BORA: variants seen among roughly 807,000 people sequenced by gnomAD.
BORA encodes protein aurora borealis.
BORA carries 26 observed loss-of-function variants against 55.8 expected under a neutral mutation model. That is an observed-to-expected ratio of 0.47 (90% confidence interval 0.34 to 0.65). The LOEUF is 0.65. Ranked by LOEUF, BORA falls within the 30% of genes least tolerant of loss-of-function variation. The probability of loss-of-function intolerance (pLI) is 0.01; values close to 1 mark genes in which losing one functional copy is unlikely to be tolerated. For missense variants in BORA, 568 were observed against 671.5 expected, an observed-to-expected ratio of 0.85 and a Z score of 1.70; for synonymous variants, 201 against 216.9, an observed-to-expected ratio of 0.93 and a Z score of 0.64.
At chr13:72,752,577 C>T (rs1194215601) in intron 10 of BORA, 1 of 152,198 alleles carries the variant, frequency 6.6e-6, no homozygotes, top group South Asian at 2.1e-4. Context: ...GAAGGAAGAG[C>T]TATTGGCAGA....
Position 72,755,676 on chromosome 13 carries a change from T to G in BORA, c.*460T>G. ...AAATCTTAGATATAAAACTAACTTTTCAAAGATACAAAAGAAATTAAACAG... is the reference window on the plus strand; with the variant it reads ...AAATCTTAGATATAAAACTAACTTTGCAAAGATACAAAAGAAATTAAACAG... On this transcript the variant is annotated 3_prime_UTR_variant, in exon 12 of 12. Transcript: ENST00000390667. The G allele has an allele frequency of 2.6e-6, 1 of 391,878 alleles. No individual in the cohort carries two copies. The highest frequency in any genetic ancestry group is 4.5e-6 in the Non-Finnish European group (1 of 222,374). The allele number at this position is 391,878 out of a possible 1,614,324, so 24.3% of individuals were successfully genotyped here.
At chr13:72,742,763 TATATAC>T (rs1362634062) in intron 5 of BORA, among the ~76,000 whole-genome samples, 33 of 45,988 alleles carry the variant, frequency 7.2e-4, no homozygotes, top group African/African-American at 2.1e-3. Context: ...GATATATATA[TATATAC>T]ACACACACAC....
At chr13:72,751,519 C>G (rs2033273585) in intron 10 of BORA, among the ~76,000 whole-genome samples, 1 of 152,026 alleles carries the variant, frequency 6.6e-6, no homozygotes, top group Admixed American at 6.6e-5. Context: ...CACATGTACT[C>G]CCTCATGTGG....
At chr13:72,731,178 T>C (rs1414427266) in intron 2 of BORA, 103 bp from the exon 3 acceptor site, 4 of 693,944 alleles carry the variant, frequency 5.8e-6, no homozygotes, top group Non-Finnish European at 9.6e-6. Context: ...AGCTTTAAAA[T>C]ATTTTCATAT....
chr13:72,728,014 A>G lies in BORA; in HGVS notation c.-16+7A>G, dbSNP rs549226345. 3.5e-6 allele frequency: 5 copies of G among 1,427,760 alleles called. No homozygotes were observed. The highest frequency in any genetic ancestry group is 1.8e-5 in the African/African-American group (1 of 56,778). 88.4% of individuals were successfully genotyped at this position (1,427,760 alleles called of 1,614,324 possible). A position where few individuals can be genotyped will look rare whatever the true frequency, so the allele number is the denominator to read the frequency against. On this transcript the variant is annotated splice_region_variant and intron_variant, in intron 1 of 11. Coordinates refer to ENST00000390667, the MANE Select transcript of BORA (RefSeq NM_024808.5). ...CTTCGTTTTGTACGCACCGGTAGGT[A>G]CGCTCTTTGTGGTCCCTGGCCTTTC...
At position 72,731,356 on chromosome 13, in the gene BORA, C is replaced by A; in HGVS notation, c.229C>A (p.His77Asn). The A allele has an allele frequency of 2.5e-6, 4 of 1,610,934 alleles. No individual in the cohort carries two copies. The highest frequency in any genetic ancestry group is 3.4e-6 in the Non-Finnish European group (4 of 1,177,864). The change falls in exon 3 of 12, where the codon CAT (histidine) becomes AAT (asparagine). Residue 77 changes from histidine (H) to asparagine (N), a missense_variant. His to Asn is a moderately conservative substitution (Grantham distance 68). Transcript: ENST00000390667. ...NPVEIDPEDI[H>N]RQALYLSHSR... ...TGTAGAAATAGACCCAGAAGATATT[C>A]ATCGTCAAGCTTTATACTTAAGTCA...
intron 3 of BORA, among the ~76,000 whole-genome samples, chr13:72,731,777 A>G (rs139509964): frequency 2.9e-4 from 44 of 152,256 alleles, no homozygotes; most frequent in Admixed American, 2.9e-3. Context: ...TTTCATTGTT[A>G]TCTATGTTTG....
In BORA at chr13:72,740,350, A is replaced by G. The variant is rs138953575; in HGVS notation, c.388+2307A>G. On this transcript the variant is annotated intron_variant, in intron 5 of 11. Coordinates refer to ENST00000390667, the MANE Select transcript of BORA (RefSeq NM_024808.5). ...AGCCTCATGTCTTTAGCCAGCACCA[A>G]TGGAACTTTGACATGTTCACCTGTT... Among the ~76,000 whole-genome samples the G allele has an allele frequency of 7.3e-4, 111 of 152,244 alleles. 1 individual carries two copies. The East Asian group carries it at 0.02, about 28-fold the overall frequency.
intron 10 of BORA, among the ~76,000 whole-genome samples, chr13:72,747,910 T>C (rs746116364): frequency 1.3e-5 from 2 of 152,194 alleles, no homozygotes; most frequent in East Asian, 1.9e-4. Flanking sequence ...CATGAAATTA[T>C]ACATTTCCAA....
At chr13:72,753,965 C>A in intron 11 of BORA, 144 bp downstream of exon 11, 1 of 839,206 alleles carries the variant, frequency 1.2e-6, no homozygotes, top group Non-Finnish European at 1.8e-6. Flanking sequence ...CATCCAATAA[C>A]CTTTAAATAT....
At chr13:72,735,068 CT>C in intron 4 of BORA, 63 bp downstream of exon 4, 1 of 1,297,662 alleles carries the variant, frequency 7.7e-7, no homozygotes, top group Non-Finnish European at 1.1e-6. Context: ...TACATCACTT[CT>C]TTTAGGAAGA....
chr13:72,735,828 C>T (rs755852662), intron 4 of BORA, among the ~76,000 whole-genome samples: 36 of 152,096 alleles, frequency 2.4e-4, no homozygotes, highest in Non-Finnish European at 4.7e-4. Flanking sequence ...AAGCTGGTCT[C>T]GAACTCCCGA....
At chr13:72,746,363 A>T in intron 9 of BORA, 138 bp from the exon 10 acceptor site, 1 of 1,072,678 alleles carries the variant, frequency 9.3e-7, no homozygotes, top group Non-Finnish European at 1.3e-6. Context: ...TTTTGACATC[A>T]CAATTTCACT....
chr13:72,745,454 G>A (rs1384286389), intron 8 of BORA, among the ~76,000 whole-genome samples: 1 of 152,138 alleles, frequency 6.6e-6, no homozygotes, highest in African/African-American at 2.4e-5. Flanking sequence ...TTCAGAAGGA[G>A]GGATGGTTGT....
At chr13:72,735,134 T>A (rs1170982201) in intron 4 of BORA, 129 bp downstream of exon 4, 2 of 718,180 alleles carry the variant, frequency 2.8e-6, no homozygotes, top group African/African-American at 1.8e-5. Context: ...CACAGTCCCA[T>A]CTATATAAAG....
At chr13:72,742,412 CTCT>C (rs969917385) in intron 5 of BORA, among the ~76,000 whole-genome samples, 1 of 151,892 alleles carries the variant, frequency 6.6e-6, no homozygotes, top group Non-Finnish European at 1.5e-5. Context: ...ATATTTTTAA[CTCT>C]TCTTGTGAAA....
At chr13:72,741,678 G>A (rs1406973094) in intron 5 of BORA, among the ~76,000 whole-genome samples, 1 of 151,968 alleles carries the variant, frequency 6.6e-6, no homozygotes, top group African/African-American at 2.4e-5. Flanking sequence ...GCCCTTCTAG[G>A]GGAAGCAACC....
chr13:72,745,250 G>A (rs775264679), intron 8 of BORA, 43 bp downstream of exon 8: 6 of 1,504,986 alleles, frequency 4.0e-6, no homozygotes, highest in Non-Finnish European at 5.5e-6. Flanking sequence ...ATGCTGTCAA[G>A]CTTGAACCCA....
intron 6 of BORA, 56 bp from the exon 7 acceptor site, chr13:72,744,449 T>C: frequency 2.1e-6 from 3 of 1,430,788 alleles, no homozygotes; most frequent in Non-Finnish European, 2.9e-6. Context: ...GTATAGTGTA[T>C]ACTTTCATTG....
Sources: gnomAD v4.1 joint callset for allele counts (sites outside exome capture counted in the v4.1 genomes callset) on GRCh38, gnomAD v4.1.1 for gene constraint, MANE v1.5 for transcripts, NCBI Gene and HGNC (gene_info 2026-07-23, HGNC 2026-07-21) for gene names.